COL14A1: variants seen among roughly 807,000 people sequenced by gnomAD.
COL14A1 encodes the protein collagen type XIV alpha 1 chain, also known as collagen alpha-1(XIV) chain.
A neutral mutation model predicts 230.3 loss-of-function variants in COL14A1; 136 were observed. That is an observed-to-expected ratio of 0.59 (90% CI 0.51 to 0.68). The LOEUF is 0.68. Ranked by LOEUF, COL14A1 falls within the 30% of genes least tolerant of loss-of-function variation. COL14A1 has a pLI of 0.00. For missense variants in COL14A1, 1,976 were observed against 2,215.8 expected (o/e 0.89, Z 2.17); for synonymous variants, 792 against 784.1 (o/e 1.01, Z -0.17).
At chr8:120,168,373 C>T in intron 5 of COL14A1, 126 bp downstream of exon 5, 2 of 611,704 alleles carry the variant, frequency 3.3e-6, no homozygotes, top group South Asian at 4.7e-5. Context: ...TCGCCTGTGG[C>T]CTCTTTGTAC....
At chr8:120,335,738 T>C (rs188779931) in intron 42 of COL14A1, among the ~76,000 whole-genome samples, 113 of 152,308 alleles carry the variant, frequency 7.4e-4, no homozygotes, top group Middle Eastern at 6.8e-3. Context: ...TAGGGCAGAA[T>C]GTACATTGCT....
intron 45 of COL14A1, among the ~76,000 whole-genome samples, chr8:120,364,491 G>A (rs1823335230): frequency 6.6e-6 from 1 of 152,134 alleles, no homozygotes; most frequent in Non-Finnish European, 1.5e-5. Context: ...CAGTTGTCAT[G>A]GACATGAACA....
At chr8:120,172,565 T>G (rs1816128586) in intron 5 of COL14A1, among the ~76,000 whole-genome samples, 1 of 152,164 alleles carries the variant, frequency 6.6e-6, no homozygotes, top group African/African-American at 2.4e-5. Flanking sequence ...CAGCATGTCT[T>G]AAGGGTGTGC....
rs151131906 is a variant in COL14A1 at position 120,199,492 on chromosome 8, A to T, written c.803A>T (p.Asp268Val). ...TCCAAAATTGGCATTTTAATCACAG[A>T]TGGAAAATCCCAAGATGACATTATT... The part of the protein sequence containing the change: ...GVSKIGILIT[D>V]GKSQDDIIPP... The change falls in exon 8 of 48, where the codon GAT (aspartate) becomes GTT (valine). Residue 268 changes from aspartate (D) to valine (V), a missense_variant. Physicochemically the swap from Asp to Val is radical, Grantham distance 152. This residue lies in a region of COL14A1 where 1,791 missense variants were observed against 2,019.5 expected (regional missense o/e 0.89). Transcript: ENST00000297848. The T allele has an allele frequency of 6.2e-7, 1 of 1,612,922 alleles. No homozygotes were observed. Among genetic ancestry groups the T allele is most frequent in the Non-Finnish European group, 8.5e-7 (1 of 1,179,634 alleles).
At chr8:120,172,254 G>A (rs1816118404) in intron 5 of COL14A1, among the ~76,000 whole-genome samples, 2 of 152,036 alleles carry the variant, frequency 1.3e-5, no homozygotes, top group Admixed American at 6.6e-5. Flanking sequence ...GGGTTCTAAT[G>A]AGTCTCCTGC....
At position 120,278,523 on chromosome 8, in the gene COL14A1, T is replaced by C; in HGVS notation, c.3426T>C (p.Thr1142=). The change falls in exon 28 of 48, where the codon ACT becomes ACC. Residue 1142 remains threonine (T), a synonymous_variant. Coordinates refer to ENST00000297848, the MANE Select transcript of COL14A1 (RefSeq NM_021110.4). The part of the protein sequence containing the change: ...RGIPKVIVVI[T]DGRSQDDVNK... ...TCCCAAAGGTTATCGTGGTTATAAC[T>C]GATGGAAGATCACAAGATGATGTGA... is the stretch of plus-strand genomic sequence containing the variant. 6.2e-7 allele frequency: 1 copy of C among 1,613,126 alleles called. No homozygotes were observed. The highest frequency in any genetic ancestry group is 8.5e-7 in the Non-Finnish European group (1 of 1,179,478).
chr8:120,212,361 A>T, intron 12 of COL14A1, 87 bp from the exon 13 acceptor site: 1 of 1,385,392 alleles, frequency 7.2e-7, no homozygotes, highest in Non-Finnish European at 1.0e-6. Flanking sequence ...GTCTTATCCC[A>T]TGAAGTCTCA....
chr8:120,320,750 C>G (rs1396400037), intron 40 of COL14A1, among the ~76,000 whole-genome samples: 2 of 151,972 alleles, frequency 1.3e-5, no homozygotes. Flanking sequence ...TTATAATATC[C>G]CAAGAAAGCC....
In COL14A1 at chr8:120,125,104, T is replaced by C. The variant is rs1270312400; in HGVS notation, c.-274T>C. ...TGGCTGCCGGCGGGCCTTCCTTTCC[T>C]CTTATCTGATCCTGGGCTCCCAGCT... is the stretch of plus-strand genomic sequence containing the variant. On this transcript the variant is annotated 5_prime_UTR_variant, in exon 1 of 48. Coordinates refer to ENST00000297848, the MANE Select transcript of COL14A1 (RefSeq NM_021110.4). The C allele has an allele frequency of 1.3e-5, 2 of 152,156 alleles. No individual in the cohort carries two copies. Among genetic ancestry groups the C allele is most frequent in the Non-Finnish European group, 2.9e-5 (2 of 68,190 alleles). The allele number at this position is 152,156 out of a possible 1,614,324, so 9.4% of individuals were successfully genotyped here.
At chr8:120,208,980 G>T (rs1185182467) in intron 11 of COL14A1, among the ~76,000 whole-genome samples, 1 of 152,020 alleles carries the variant, frequency 6.6e-6, no homozygotes, top group Non-Finnish European at 1.5e-5. Flanking sequence ...ATGCAAAATT[G>T]CTCTAAAAAA....
chr8:120,231,517 A>G lies in COL14A1; in HGVS notation c.2248A>G (p.Ser750Gly). 6.2e-7 allele frequency: 1 copy of G among 1,614,104 alleles called. No homozygotes were observed. Among genetic ancestry groups the G allele is most frequent in the Non-Finnish European group, 8.5e-7 (1 of 1,179,990 alleles). The change falls in exon 19 of 48, where the codon AGC (serine) becomes GGC (glycine). Residue 750 changes from serine to glycine, a missense_variant. Coordinates refer to ENST00000297848, the MANE Select transcript of COL14A1 (RefSeq NM_021110.4). ...AGTTGTAGGTGATGAAACTACTTCT[A>G]GCCTGCGGGTAAAATGGGACATTTC... ...NLVVGDETTS[S>G]LRVKWDISDS...
At chr8:120,195,717 T>C (rs1296840010) in intron 5 of COL14A1, among the ~76,000 whole-genome samples, 1 of 152,142 alleles carries the variant, frequency 6.6e-6, no homozygotes, top group African/African-American at 2.4e-5. Flanking sequence ...TCAGATCTTG[T>C]GAGACTTATT....
In COL14A1 at chr8:120,192,945, G is replaced by A. The variant is rs577870671; in HGVS notation, c.437-3846G>A. Among the ~76,000 whole-genome samples, 625 of 152,118 alleles carry A rather than the reference G, an allele frequency of 4.1e-3. 2 individuals carry two copies. The highest frequency in any genetic ancestry group is 0.014 in the African/African-American group (593 of 41,498). ...TATTGGTTATTCTAGTTATACATTC[G>A]TCTAAATTTTTTTCAAAGTTTTTAA... On this transcript the variant is annotated intron_variant, in intron 5 of 47. Transcript: ENST00000297848.
At chr8:120,138,084 A>G (rs1563630192) in intron 1 of COL14A1, among the ~76,000 whole-genome samples, 2 of 151,270 alleles carry the variant, frequency 1.3e-5, no homozygotes. Context: ...TGCTCAATAA[A>G]TATCAACTAC....
chr8:120,230,276 C>T (rs1818226869), intron 18 of COL14A1, among the ~76,000 whole-genome samples: 1 of 152,140 alleles, frequency 6.6e-6, no homozygotes, highest in Non-Finnish European at 1.5e-5. Context: ...GTTGTTTCCT[C>T]TCTCAGCTTA....
In COL14A1 at chr8:120,370,891, T is replaced by G. The variant is rs1369358029; in HGVS notation, c.5312-261T>G. ...AATTTTGCTGAGTTTTCAGGGTTTC[T>G]TCTGTAAATAAAACATAATATTTAA... On this transcript the variant is annotated intron_variant, in intron 47 of 47. Coordinates refer to ENST00000297848, the MANE Select transcript of COL14A1 (RefSeq NM_021110.4). The G allele has an allele frequency of 4.0e-6, 5 of 1,252,460 alleles. No individual in the cohort carries two copies. The East Asian group carries it at 1.7e-4, about 42-fold the overall frequency. 77.6% of individuals were successfully genotyped at this position (1,252,460 alleles called of 1,614,324 possible). A position where few individuals can be genotyped will look rare whatever the true frequency, so the allele number is the denominator to read the frequency against.
chr8:120,300,640 A>C (rs985794852), intron 35 of COL14A1, 92 bp from the exon 36 acceptor site: 1 of 952,206 alleles, frequency 1.1e-6, no homozygotes, highest in South Asian at 1.5e-5. Flanking sequence ...AAAATCTAAA[A>C]ATATCTTAAA....
intron 26 of COL14A1, among the ~76,000 whole-genome samples, chr8:120,275,250 A>G (rs1234118186): frequency 6.6e-6 from 1 of 151,854 alleles, no homozygotes; most frequent in Admixed American, 6.6e-5. Flanking sequence ...GGGAAATGAC[A>G]CCCTATTTAA....
intron 9 of COL14A1, among the ~76,000 whole-genome samples, chr8:120,204,240 A>G (rs1431706361): frequency 6.6e-6 from 1 of 152,204 alleles, no homozygotes; most frequent in African/African-American, 2.4e-5. Context: ...CATTACCACA[A>G]GCTGAATACT....
Sources: allele counts gnomAD v4.1 joint callset (sites outside exome capture counted in the v4.1 genomes callset), GRCh38; gene constraint gnomAD v4.1.1; regional missense constraint gnomAD v4.1.1; transcripts MANE v1.5; gene names NCBI Gene and HGNC (gene_info 2026-07-23, HGNC 2026-07-21).